The following WDFY3 variants were observed in gnomAD, a reference collection of about 807,000 sequenced individuals.
The protein encoded by WDFY3 is WD repeat and FYVE domain containing 3.
WDFY3 carries 66 observed loss-of-function variants against 409.6 expected under a neutral mutation model. That is an observed-to-expected ratio of 0.16 (90% CI 0.13 to 0.20). The LOEUF is 0.20. WDFY3 is among the 10% of genes least tolerant of loss of function. The probability of loss-of-function intolerance (pLI) is 1.00; values close to 1 mark genes in which losing one functional copy is unlikely to be tolerated. For missense variants in WDFY3, 3,031 were observed against 4,298.1 expected (o/e 0.71, Z 8.24); for synonymous variants, 1,521 against 1,537.1 (o/e 0.99, Z 0.25).
intron 6 of WDFY3, among the ~76,000 whole-genome samples, chr4:84,839,422 T>A (rs999677575): frequency 3.9e-5 from 6 of 152,074 alleles, no homozygotes; most frequent in Non-Finnish European, 8.8e-5. Flanking sequence ...CTGGGACCAT[T>A]TGAAGATTAC....
intron 3 of WDFY3, among the ~76,000 whole-genome samples, chr4:84,864,798 T>G (rs955540413): frequency 4.6e-5 from 7 of 152,224 alleles, no homozygotes; most frequent in Admixed American, 3.3e-4. Flanking sequence ...ACTTGGAAAC[T>G]GTGACTCTAG....
At chr4:84,825,864 C>G (rs942651235) in intron 10 of WDFY3, among the ~76,000 whole-genome samples, 1 of 151,920 alleles carries the variant, frequency 6.6e-6, no homozygotes, top group Admixed American at 6.6e-5. Context: ...TGAATAAAAA[C>G]TATTAGAGGC....
intron 4 of WDFY3, among the ~76,000 whole-genome samples, chr4:84,859,293 T>C (rs1303934571): frequency 6.6e-6 from 1 of 152,046 alleles, no homozygotes; most frequent in Non-Finnish European, 1.5e-5. Context: ...AGCCTAACTA[T>C]AGGGAAAGGA....
intron 1 of WDFY3, among the ~76,000 whole-genome samples, 195 bp from the exon 2 acceptor site, chr4:84,932,558 G>C (rs1484062230): frequency 6.6e-6 from 1 of 152,074 alleles, no homozygotes; most frequent in East Asian, 1.9e-4. Flanking sequence ...TTTAAAGCTG[G>C]TCTCTACAGA....
intron 1 of WDFY3, among the ~76,000 whole-genome samples, chr4:84,955,829 A>G (rs948199039): frequency 1.3e-5 from 2 of 152,208 alleles, no homozygotes; most frequent in Non-Finnish European, 2.9e-5. Flanking sequence ...ATACTTGTGG[A>G]AATTCTATTT....
chr4:84,733,805 G>C (rs147914391), intron 43 of WDFY3, among the ~76,000 whole-genome samples, 196 bp from the exon 44 acceptor site: 162 of 152,272 alleles, frequency 1.1e-3, no homozygotes, highest in African/African-American at 3.8e-3. Flanking sequence ...ACTTCTTAAA[G>C]CATCAAGTAA....
intron 4 of WDFY3, among the ~76,000 whole-genome samples, chr4:84,858,987 T>G: frequency 6.8e-6 from 1 of 146,132 alleles, no homozygotes; most frequent in Non-Finnish European, 1.5e-5. Flanking sequence ...GACAGACAGA[T>G]AGGAAGAAAG....
intron 9 of WDFY3, among the ~76,000 whole-genome samples, chr4:84,828,493 C>T (rs1755189973): frequency 6.6e-6 from 1 of 152,158 alleles, no homozygotes; most frequent in South Asian, 2.1e-4. Flanking sequence ...CCCTCAGCTA[C>T]TAAAGAGCAG....
chr4:84,888,484 C>T (rs1223155064), intron 3 of WDFY3, among the ~76,000 whole-genome samples: 2 of 152,112 alleles, frequency 1.3e-5, no homozygotes, highest in Admixed American at 6.6e-5. Flanking sequence ...GAGTACTTAA[C>T]TATTAACCTT....
At chr4:84,940,853 G>C (rs1042476661) in intron 1 of WDFY3, among the ~76,000 whole-genome samples, 1 of 152,060 alleles carries the variant, frequency 6.6e-6, no homozygotes, top group African/African-American at 2.4e-5. Context: ...TCCTGGAAAT[G>C]CCAGGCTAAT....
At chr4:84,697,434 A>G (rs1398496910) in intron 56 of WDFY3, among the ~76,000 whole-genome samples, 1 of 152,246 alleles carries the variant, frequency 6.6e-6, no homozygotes, top group Non-Finnish European at 1.5e-5. Flanking sequence ...TAACAGAAAA[A>G]ATATTTGGAA....
chr4:84,807,178 AG>A (rs1399680822), intron 15 of WDFY3, among the ~76,000 whole-genome samples: 1 of 152,180 alleles, frequency 6.6e-6, no homozygotes, highest in African/African-American at 2.4e-5. Flanking sequence ...TTTTAGCAAC[AG>A]AAAAATACAC....
Position 84,715,357 on chromosome 4 carries a change from T to A in WDFY3, c.7902A>T (p.Gly2634=). 6.2e-7 allele frequency: 1 copy of A among 1,609,476 alleles called. No individual in the cohort carries two copies. The highest frequency in any genetic ancestry group is 8.5e-7 in the Non-Finnish European group (1 of 1,176,218). ...AAGCAAGGAGGTAATTCCGTCCATCTCCAGAGAAAACTTCCACAGCAATAG... is the reference window on the plus strand; with the variant it reads ...AAGCAAGGAGGTAATTCCGTCCATCACCAGAGAAAACTTCCACAGCAATAG... The part of the protein sequence containing the change: ...LQPIAVEVFS[G]DGRNYLLAFQ... The change falls in exon 50 of 68, where the codon GGA becomes GGT. Residue 2634 remains glycine (G), a synonymous_variant. Coordinates refer to ENST00000295888, the MANE Select transcript of WDFY3 (RefSeq NM_014991.6).
intron 38 of WDFY3, 131 bp downstream of exon 38, chr4:84,741,625 CACTTT>C (rs1322974206): frequency 9.3e-7 from 1 of 1,070,438 alleles, no homozygotes; most frequent in African/African-American, 1.6e-5. Context: ...TGTCTCTATT[CACTTT>C]TAATAAGCTT....
intron 16 of WDFY3, 39 bp downstream of exon 16, chr4:84,803,251 T>G: frequency 1.3e-6 from 2 of 1,548,212 alleles, no homozygotes; most frequent in Non-Finnish European, 1.7e-6. Context: ...TTCATTCATT[T>G]CATTACAGAC....
intron 16 of WDFY3, 165 bp downstream of exon 16, chr4:84,803,125 T>A (rs1750911143): frequency 1.5e-6 from 1 of 677,662 alleles, no homozygotes; most frequent in Admixed American, 3.7e-5. Flanking sequence ...CTACCATTTA[T>A]CATGAAAGGT....
At chr4:84,931,709 A>T (rs1770787212) in intron 2 of WDFY3, among the ~76,000 whole-genome samples, 1 of 152,170 alleles carries the variant, frequency 6.6e-6, no homozygotes, top group South Asian at 2.1e-4. Flanking sequence ...CAACATGATC[A>T]AAAAGGTACC....
rs574454247 is a variant in WDFY3 at position 84,911,502 on chromosome 4, G to C, written c.-131-14492C>G. Among the ~76,000 whole-genome samples the C allele has an allele frequency of 7.2e-5, 11 of 152,022 alleles. No homozygotes were observed. The East Asian group carries it at 2.1e-3, about 30-fold the overall frequency. On this transcript the variant is annotated intron_variant, in intron 2 of 67. Transcript: ENST00000295888. ...ACCCTGTCTCTTAAAAAAGAAAAAA[G>C]GGCAAAGGAGCAAATTACATGAACA...
chr4:84,918,815 G>GTATATATATATAGATATA (rs1768856280), intron 2 of WDFY3, among the ~76,000 whole-genome samples: 1 of 138,336 alleles, frequency 7.2e-6, no homozygotes, highest in African/African-American at 2.6e-5. Context: ...GTGTGTGTGT[G>GTATATATATATAGATATA]TATATATATA....
Sources: allele counts gnomAD v4.1 joint callset (sites outside exome capture counted in the v4.1 genomes callset), GRCh38; gene constraint gnomAD v4.1.1; transcripts MANE v1.5; gene names NCBI Gene and HGNC (gene_info 2026-07-23, HGNC 2026-07-21).